The following SLC30A8 variants were observed in gnomAD, a reference collection of about 807,000 sequenced individuals.
SLC30A8 encodes the protein solute carrier family 30 member 8, also known as proton-coupled zinc antiporter SLC30A8.
A neutral mutation model predicts 36.9 loss-of-function variants in SLC30A8; 27 were observed. That is an observed-to-expected ratio of 0.73 (90% CI 0.54 to 1.01). SLC30A8 has a LOEUF of 1.01. Among genes scored for constraint, SLC30A8 ranks in the 50% least tolerant of loss-of-function variants. SLC30A8 has a pLI of 0.00. For synonymous variants in SLC30A8, 164 were observed against 172.4 expected, an observed-to-expected ratio of 0.95 and a Z score of 0.38; for missense variants, 439 against 452.0, an observed-to-expected ratio of 0.97 and a Z score of 0.26.
chr8:116,961,985 T>C (rs1272871737), intron 1 of SLC30A8, among the ~76,000 whole-genome samples: 1 of 152,004 alleles, frequency 6.6e-6, no homozygotes, highest in African/African-American at 2.4e-5. Flanking sequence ...CTTGAATTTC[T>C]GGGGAACACA....
At chr8:116,986,076 C>T (rs573351840) in intron 1 of SLC30A8, among the ~76,000 whole-genome samples, 16 of 151,950 alleles carry the variant, frequency 1.1e-4, no homozygotes, top group African/African-American at 3.4e-4. Flanking sequence ...AGGAAATATC[C>T]CACCCGTCAC....
At chr8:117,127,882 T>C (rs1820972781) in intron 2 of SLC30A8, among the ~76,000 whole-genome samples, 1 of 152,124 alleles carries the variant, frequency 6.6e-6, no homozygotes, top group Non-Finnish European at 1.5e-5. Context: ...TTGGCAATGC[T>C]GTGTGACATG....
chr8:117,165,458 GATGGCCTCAGA>G (rs1823010885), intron 6 of SLC30A8, among the ~76,000 whole-genome samples: 1 of 152,190 alleles, frequency 6.6e-6, no homozygotes, highest in Non-Finnish European at 1.5e-5. Context: ...CATAGATGCT[GATGGCCTCAGA>G]AAGGCCAGAT....
intron 1 of SLC30A8, among the ~76,000 whole-genome samples, chr8:116,976,798 T>C (rs557374683): frequency 3.7e-4 from 47 of 125,508 alleles, no homozygotes; most frequent in African/African-American, 1.5e-3. Context: ...CCCCTTTTAT[T>C]TTTCTTTCTT....
chr8:116,964,445 T>C (rs910474732), intron 1 of SLC30A8, among the ~76,000 whole-genome samples: 20 of 152,210 alleles, frequency 1.3e-4, no homozygotes, highest in Non-Finnish European at 8.8e-5. Context: ...AACTATTTTG[T>C]GGCTCTAAAC....
intron 1 of SLC30A8, among the ~76,000 whole-genome samples, chr8:117,016,399 A>C (rs1034218581): frequency 1.1e-4 from 17 of 152,228 alleles, no homozygotes; most frequent in Non-Finnish European, 2.9e-5. Flanking sequence ...TGGGCACTGC[A>C]GAAAGAGGAA....
chr8:117,010,338 A>C (rs1265257751), intron 1 of SLC30A8, among the ~76,000 whole-genome samples: 1 of 152,192 alleles, frequency 6.6e-6, no homozygotes, highest in Non-Finnish European at 1.5e-5. Context: ...AGCTTCAGCC[A>C]GCTCCCACAG....
At chr8:117,007,974 G>A (rs2130699272) in intron 1 of SLC30A8, among the ~76,000 whole-genome samples, 1 of 152,234 alleles carries the variant, frequency 6.6e-6, no homozygotes, top group South Asian at 2.1e-4. Flanking sequence ...AATGATATAT[G>A]GTAATGGCTG....
At chr8:117,032,076 C>A (rs2130741411) in intron 1 of SLC30A8, among the ~76,000 whole-genome samples, 1 of 152,260 alleles carries the variant, frequency 6.6e-6, no homozygotes, top group South Asian at 2.1e-4. Context: ...GATTATAGCA[C>A]CTTACGCCTC....
chr8:117,119,006 G>A (rs1005128453), intron 2 of SLC30A8, among the ~76,000 whole-genome samples: 1 of 151,888 alleles, frequency 6.6e-6, no homozygotes, highest in Admixed American at 6.6e-5. Flanking sequence ...TTCGGATTGG[G>A]TAGAAGTCAA....
intron 3 of SLC30A8, among the ~76,000 whole-genome samples, chr8:117,156,797 G>A (rs183381960): frequency 3.9e-5 from 6 of 152,270 alleles, no homozygotes; most frequent in Admixed American, 6.5e-5. Context: ...TATGAAGGTT[G>A]TCTGTAAATG....
chr8:117,101,487 T>A (rs543542547), intron 2 of SLC30A8, among the ~76,000 whole-genome samples: 11 of 152,274 alleles, frequency 7.2e-5, no homozygotes, highest in Admixed American at 2.0e-4. Flanking sequence ...AAATTCAATT[T>A]TAGAGTAATA....
chr8:117,124,873 C>T (rs553639565), intron 2 of SLC30A8, among the ~76,000 whole-genome samples: 5 of 151,704 alleles, frequency 3.3e-5, no homozygotes, highest in African/African-American at 1.2e-4. Context: ...AAAACCTCAA[C>T]ATCCCACAAT....
At chr8:116,972,196 A>G (rs187566114) in intron 1 of SLC30A8, among the ~76,000 whole-genome samples, 1 of 152,362 alleles carries the variant, frequency 6.6e-6, no homozygotes, top group East Asian at 1.9e-4. Flanking sequence ...TCTAACCATT[A>G]GAAATATCAT....
intron 1 of SLC30A8, among the ~76,000 whole-genome samples, chr8:117,011,695 C>A (rs1816349233): frequency 1.3e-5 from 2 of 152,082 alleles, no homozygotes; most frequent in Admixed American, 1.3e-4. Context: ...TGATGTTGGA[C>A]CTCTTTGGGA....
At chr8:117,153,197 C>A in intron 3 of SLC30A8, 107 bp downstream of exon 3, 1 of 1,163,450 alleles carries the variant, frequency 8.6e-7, no homozygotes, top group Non-Finnish European at 1.2e-6. Context: ...TCCTTAGAGA[C>A]ACATTTCTGA....
In SLC30A8 at chr8:117,173,285, CTT is replaced by C. The variant is rs958754893; in HGVS notation, c.*605_*606del. 8 of 152,162 alleles carry C rather than the reference CTT, an allele frequency of 5.3e-5. No homozygotes were observed. The highest frequency in any genetic ancestry group is 1.3e-4 in the Admixed American group (2 of 15,260). 9.4% of individuals were successfully genotyped at this position (152,162 alleles called of 1,614,324 possible). A position where few individuals can be genotyped will look rare whatever the true frequency, so the allele number is the denominator to read the frequency against. On this transcript the variant is annotated 3_prime_UTR_variant, in exon 8 of 8. Coordinates refer to ENST00000456015, the MANE Select transcript of SLC30A8 (RefSeq NM_173851.3). ...TGTCACATTTTGGCAATAAATCCCT[CTT>C]ATTTCTAAATTCTAACTTGTTTATT...
At chr8:117,116,987 G>C (rs1384816726) in intron 2 of SLC30A8, among the ~76,000 whole-genome samples, 1 of 151,954 alleles carries the variant, frequency 6.6e-6, no homozygotes, top group Admixed American at 6.6e-5. Context: ...CCTACATCTT[G>C]TGGCTTCTAC....
At chr8:116,976,262 T>C (rs1286683680) in intron 1 of SLC30A8, among the ~76,000 whole-genome samples, 2 of 150,896 alleles carry the variant, frequency 1.3e-5, no homozygotes, top group African/African-American at 4.9e-5. Flanking sequence ...TTTTTTTACT[T>C]CCAAGGTATA....
Sources: allele counts gnomAD v4.1 joint callset (sites outside exome capture counted in the v4.1 genomes callset), GRCh38; gene constraint gnomAD v4.1.1; transcripts MANE v1.5; gene names NCBI Gene and HGNC (gene_info 2026-07-23, HGNC 2026-07-21).